Variants in ARHGAP9 observed in about 807,000 individuals in gnomAD.
ARHGAP9 encodes the protein Rho GTPase activating protein 9, also known as rho GTPase-activating protein 9.
A neutral mutation model predicts 87.3 loss-of-function variants in ARHGAP9; 76 were observed. That is an observed-to-expected ratio of 0.87 (90% CI 0.72 to 1.05). The LOEUF is 1.05. Among genes scored for constraint, ARHGAP9 ranks in the 50% least tolerant of loss-of-function variants. The pLI is 0.00. For synonymous variants in ARHGAP9, 382 were observed against 394.9 expected (o/e 0.97, Z 0.39); for missense variants, 941 against 960.5 (o/e 0.98, Z 0.27).
In ARHGAP9 at chr12:57,472,469, A is replaced by C; in HGVS notation, c.*48T>G. Reference sequence around the variant, plus strand: ...CCTCAAAACAGAACACCAGCCTCTCACCACCAGAGATGACCGGAAATATGT... The same window carrying C: ...CCTCAAAACAGAACACCAGCCTCTCCCCACCAGAGATGACCGGAAATATGT... On this transcript the variant is annotated 3_prime_UTR_variant, in exon 18 of 18. Transcript: ENST00000393791. 6.3e-7 allele frequency: 1 copy of C among 1,589,936 alleles called. No homozygotes were observed. The highest frequency in any genetic ancestry group is 1.1e-5 in the South Asian group (1 of 88,132).
rs1872575438 is a variant in ARHGAP9, at chr12:57,473,605, G to A, written c.2022C>T (p.Cys674=). ...CAAAGAGGTTCTGTCTTCCTGACCT[G>A]CATAAATGCTCCAGGAGGTACCGTA... ...DTLRYLLEHL[C]RVIAHSDKNR... Residue 674 remains cysteine (C), a splice_region_variant and synonymous_variant, in exon 17 of 18, where the codon TGC becomes TGT. Coordinates refer to ENST00000393791, the MANE Select transcript of ARHGAP9 (RefSeq NM_032496.4). The A allele has an allele frequency of 6.2e-7, 1 of 1,611,674 alleles. No homozygotes were observed. Among genetic ancestry groups the A allele is most frequent in the Non-Finnish European group, 8.5e-7 (1 of 1,177,872 alleles).
At position 57,475,521 on chromosome 12, in the gene ARHGAP9, G is replaced by A. The variant is rs572796333; in HGVS notation, c.1406C>T (p.Ser469Phe). The A allele has an allele frequency of 1.2e-6, 2 of 1,604,870 alleles. No homozygotes were observed. The highest frequency in any genetic ancestry group is 2.2e-5 in the South Asian group (2 of 89,814). ...GCTGCTGAGGCGCAGCAGCGGCTTG[G>A]ACACCAGCTCCGACTCCTCTTCTTC... ...EDEEEESELV[S>F]KPLLRLSSRR... The change falls in exon 11 of 18, where the codon TCC becomes TTC. Residue 469 changes from serine (S) to phenylalanine (F), a missense_variant. Ser to Phe is a radical substitution (Grantham distance 155, BLOSUM62 -2). Coordinates refer to ENST00000393791, the MANE Select transcript of ARHGAP9 (RefSeq NM_032496.4).
intron 1 of ARHGAP9, among the ~76,000 whole-genome samples, chr12:57,485,133 G>A (rs1875302419): frequency 6.6e-6 from 1 of 150,718 alleles, no homozygotes; most frequent in Non-Finnish European, 1.5e-5. Flanking sequence ...TTTTAGTAGA[G>A]ACTGGGTTTC....
At chr12:57,473,834 C>T (rs1872660455) in intron 16 of ARHGAP9, 126 bp from the exon 17 acceptor site, 2 of 1,203,358 alleles carry the variant, frequency 1.7e-6, no homozygotes, top group Non-Finnish European at 2.3e-6. Flanking sequence ...CTTTCTTTTT[C>T]ACATAGCCCA....
intron 1 of ARHGAP9, among the ~76,000 whole-genome samples, chr12:57,486,391 T>C (rs905968696): frequency 4.6e-5 from 7 of 151,626 alleles, no homozygotes; most frequent in Admixed American, 1.3e-4. Context: ...TGGCTCAGCC[T>C]CCTGAGTAGC....
upstream of ARHGAP9, chr12:57,480,118 C>T: frequency 1.0e-6 from 1 of 985,214 alleles, no homozygotes; most frequent in Non-Finnish European, 1.2e-6. Context: ...GCTGAGAAGC[C>T]TTGATACTGT....
chr12:57,475,119 C>T, intron 12 of ARHGAP9, 146 bp from the exon 13 acceptor site: 4 of 1,104,762 alleles, frequency 3.6e-6, no homozygotes, highest in African/African-American at 1.6e-5. Flanking sequence ...ACCTCCCTTC[C>T]CCTGCTTCAA....
chr12:57,477,644 A>C lies in ARHGAP9; in HGVS notation c.571T>G (p.Tyr191Asp). ...CGGCGAAGGTCCACCAGGTTACAGT[A>C]CACAGGGGGCTCTGACATGAGGGGC... is the stretch of plus-strand genomic sequence containing the variant. Reference protein sequence around the residue: ...PQPLMSEPPVYCNLVDLRRCP... With the variant: ...PQPLMSEPPVDCNLVDLRRCP... Residue 191 changes from tyrosine (Y) to aspartate (D), a missense_variant, in exon 4 of 18, where the codon TAC becomes GAC. By Grantham distance (160) the Tyr-to-Asp change is radical (BLOSUM62 -3). Transcript: ENST00000393791. The C allele has an allele frequency of 1.2e-6, 2 of 1,613,296 alleles. No homozygotes were observed. The highest frequency in any genetic ancestry group is 1.7e-6 in the Non-Finnish European group (2 of 1,179,712).
At chr12:57,488,618 T>C in exon 1 of ARHGAP9, 1 of 1,551,112 alleles carries the variant, frequency 6.4e-7, no homozygotes, top group East Asian at 2.4e-5. Flanking sequence ...TTACCTCTTC[T>C]CATTCTCAGC....
chr12:57,477,992 G>A (rs946683405), intron 3 of ARHGAP9: 60 of 1,195,804 alleles, frequency 5.0e-5, no homozygotes, highest in Admixed American at 7.6e-5. Context: ...GTTGAAGGGG[G>A]TGCCCCACCC....
rs755416180 is a variant in ARHGAP9, at chr12:57,477,664, A to AG, written c.550dup (p.Leu184ProfsTer10). 1.2e-5 allele frequency: 20 copies of AG among 1,610,702 alleles called. No homozygotes were observed. The African/African-American group carries it at 2.7e-4, about 22-fold the overall frequency. On this transcript the variant is annotated frameshift_variant, in exon 4 of 18. Coordinates refer to ENST00000393791, the MANE Select transcript of ARHGAP9 (RefSeq NM_032496.4). LOFTEE classifies it high-confidence loss of function. ...ACAGTACACAGGGGGCTCTGACATG[A>AG]GGGGCTGGGGGCCTGCCTGCCAGAA...
rs11544238 is a variant in ARHGAP9, at chr12:57,476,372, A to G, written c.1108T>C (p.Ser370Pro). The G allele has an allele frequency of 7.4e-6, 12 of 1,613,446 alleles. No homozygotes were observed. In the South Asian group the frequency reaches 1.3e-4, roughly 18 times the overall value. Residue 370 changes from serine to proline, a missense_variant, in exon 8 of 18, where the codon TCA (serine) becomes CCA (proline). Physicochemically the swap from Ser to Pro is moderately conservative, Grantham distance 74 (BLOSUM62 -1). Transcript: ENST00000393791. ...YREPPPTAPS[S>P]GWGPAGSRPE... ...CTCTCGCTCACACTCACCCAGCCTG[A>G]GGAGGGCGCTGTCGGCGGTGGCTCT... is the stretch of plus-strand genomic sequence containing the variant.
chr12:57,473,969 G>T (rs1480756610), intron 16 of ARHGAP9, 73 bp downstream of exon 16: 3 of 1,512,956 alleles, frequency 2.0e-6, no homozygotes, highest in East Asian at 2.4e-5. Context: ...AAGAGTATAA[G>T]GGAACCTCTA....
chr12:57,480,474 G>A (rs1343404774), upstream of ARHGAP9, among the ~76,000 whole-genome samples: 1 of 152,102 alleles, frequency 6.6e-6, no homozygotes, highest in African/African-American at 2.4e-5. Flanking sequence ...GAGCCACTGC[G>A]CCCGGCCTCA....
upstream of ARHGAP9, among the ~76,000 whole-genome samples, chr12:57,484,340 A>C (rs1167807301): frequency 2.3e-5 from 3 of 132,704 alleles, no homozygotes; most frequent in South Asian, 2.8e-4. Context: ...CGACAGTGTG[A>C]GACTCTGTCT....
At chr12:57,481,697 A>G (rs370320165), upstream of ARHGAP9, among the ~76,000 whole-genome samples, 77 of 152,256 alleles carry the variant, frequency 5.1e-4, no homozygotes, top group Middle Eastern at 6.8e-3. Context: ...TGCAGTCCTT[A>G]TGCAATCCTT....
chr12:57,488,003 C>G (rs2139992651), intron 1 of ARHGAP9: 2 of 1,098,326 alleles, frequency 1.8e-6, no homozygotes, highest in African/African-American at 1.5e-5. Flanking sequence ...TAATACGGAA[C>G]TCCATTTCCC....
At chr12:57,480,881 A>G (rs1335326491), upstream of ARHGAP9, 3 of 1,515,416 alleles carry the variant, frequency 2.0e-6, no homozygotes, top group Non-Finnish European at 1.8e-6. Flanking sequence ...GACCCTCCCC[A>G]CTGGTGATAT....
rs1197150837 is a variant in ARHGAP9, at chr12:57,478,736, G to A, written c.338C>T (p.Ser113Phe). 1 of 1,610,194 alleles carries A rather than the reference G, an allele frequency of 6.2e-7. No individual in the cohort carries two copies. Among genetic ancestry groups the A allele is most frequent in the South Asian group, 1.1e-5 (1 of 91,042 alleles). Residue 113 changes from serine (S) to phenylalanine (F), a missense_variant, in exon 3 of 18, where the codon TCC (serine) becomes TTC (phenylalanine). By Grantham distance (155) the Ser-to-Phe change is radical (BLOSUM62 -2). Transcript: ENST00000393791. ...WTPGPKLFHG[S>F]LEELSQALPS... is the part of the protein sequence containing the mutation. ...GAGGGCCTGAGACAACTCCTCCAGG[G>A]AACCATGAAACAACTTCGGCCCTGG...
Sources: gnomAD v4.1 joint callset for allele counts (sites outside exome capture counted in the v4.1 genomes callset) on GRCh38, gnomAD v4.1.1 for gene constraint, MANE v1.5 for transcripts, NCBI Gene and HGNC (gene_info 2026-07-23, HGNC 2026-07-21) for gene names.